The following CSMD1 variants were observed in gnomAD, a reference collection of about 807,000 sequenced individuals.
The protein encoded by CSMD1 is CUB and Sushi multiple domains 1, also known as CUB and sushi domain-containing protein 1.
In CSMD1, 213 loss-of-function variants were observed where a neutral mutation model predicts 417.5. The ratio of observed to expected loss-of-function variants is 0.51; its 90% CI spans 0.46 to 0.57. The LOEUF (loss-of-function observed/expected upper bound fraction) is 0.57, where lower values mean the gene tolerates loss of function less well. Among genes scored for constraint, CSMD1 ranks in the 20% least tolerant of loss-of-function variants. The pLI, the probability that CSMD1 is intolerant of heterozygous loss-of-function variation, is 0.00. For synonymous variants in CSMD1, 2,862 were observed against 1,736.8 expected, an observed-to-expected ratio of 1.65 and a Z score of -16.11; for missense variants, 6,923 against 4,529.7, an observed-to-expected ratio of 1.53 and a Z score of -15.17.
chr8:4,977,861 G>A (rs528103244), intron 1 of CSMD1, among the ~76,000 whole-genome samples: 1 of 152,220 alleles, frequency 6.6e-6, no homozygotes, highest in Non-Finnish European at 1.5e-5. Context: ...AAGCACAGTG[G>A]AAGAAGACCC....
intron 20 of CSMD1, 133 bp downstream of exon 20, chr8:3,366,899 G>A: frequency 1.3e-6 from 1 of 743,232 alleles, no homozygotes; most frequent in Non-Finnish European, 2.3e-6. Context: ...CCATTAGTTG[G>A]AATCAAGTCA....
intron 7 of CSMD1, among the ~76,000 whole-genome samples, chr8:3,633,558 A>C (rs1228345115): frequency 6.6e-6 from 1 of 152,248 alleles, no homozygotes; most frequent in Non-Finnish European, 1.5e-5. Flanking sequence ...CGCACGTCAA[A>C]AGTTCATTTC....
Position 4,266,766 on chromosome 8 carries a change from C to G in CSMD1, c.415+153187G>C, listed in dbSNP as rs1162234197. 4.8e-5 allele frequency among the ~76,000 whole-genome samples: 5 copies of G among 104,348 alleles called. 1 individual carries two copies. The highest frequency in any genetic ancestry group is 1.3e-4 in the African/African-American group (5 of 38,342). 68.5% of individuals were successfully genotyped at this position (104,348 alleles called of 152,430 possible). On this transcript the variant is annotated intron_variant, in intron 3 of 69. Transcript: ENST00000635120. The stretch of plus-strand genomic sequence containing the variant: ...AAAAATTTGATGATCTATAAATCCT[C>G]AAAATAGTAGCACAGAGAATCTAGA...
intron 1 of CSMD1, among the ~76,000 whole-genome samples, chr8:4,671,427 C>T (rs1425776442): frequency 6.6e-6 from 1 of 152,142 alleles, no homozygotes; most frequent in East Asian, 1.9e-4. Flanking sequence ...GAAAAATTAA[C>T]ATTTGGCAGA....
At chr8:4,036,253 G>C (rs559350456) in intron 3 of CSMD1, among the ~76,000 whole-genome samples, 51 of 152,170 alleles carry the variant, frequency 3.4e-4, no homozygotes, top group Non-Finnish European at 6.6e-4. Flanking sequence ...AGTCATGCAT[G>C]ACTGCATGTA....
At chr8:3,580,910 G>C (rs1016933992) in intron 9 of CSMD1, among the ~76,000 whole-genome samples, 3 of 152,178 alleles carry the variant, frequency 2.0e-5, no homozygotes, top group African/African-American at 4.8e-5. Flanking sequence ...TAAATGATGA[G>C]TTCACAAATT....
intron 6 of CSMD1, among the ~76,000 whole-genome samples, chr8:3,730,828 T>G (rs114600762): frequency 2.0e-5 from 3 of 152,174 alleles, no homozygotes; most frequent in Admixed American, 6.5e-5. Flanking sequence ...CCCATTCATG[T>G]TATGCCAGAT....
In CSMD1 at chr8:4,143,437, C is replaced by T. The variant is rs540312621; in HGVS notation, c.416-111338G>A. The stretch of plus-strand genomic sequence containing the variant: ...GAACCCAGGCTGAAAGTTCGGATAC[C>T]TTTGGTAAATTTGTTTTATTACAGG... On this transcript the variant is annotated intron_variant, in intron 3 of 69. Transcript: ENST00000635120. Among the ~76,000 whole-genome samples, 14 of 148,916 alleles carry T rather than the reference C, an allele frequency of 9.4e-5. No homozygotes were observed. The South Asian group carries it at 2.5e-3, about 27-fold the overall frequency.
intron 1 of CSMD1, among the ~76,000 whole-genome samples, chr8:4,885,427 G>T (rs888718534): frequency 6.6e-6 from 1 of 152,030 alleles, no homozygotes; most frequent in East Asian, 1.9e-4. Flanking sequence ...TAGGGGGAAA[G>T]CGTTTAGTCT....
intron 5 of CSMD1, among the ~76,000 whole-genome samples, chr8:3,786,993 G>A (rs1046121258): frequency 1.3e-5 from 2 of 152,168 alleles, no homozygotes; most frequent in African/African-American, 4.8e-5. Flanking sequence ...TGAGGGCATG[G>A]AAGCTGAGGG....
chr8:3,904,983 G>A (rs758860547), intron 5 of CSMD1, among the ~76,000 whole-genome samples: 2 of 152,050 alleles, frequency 1.3e-5, no homozygotes, highest in African/African-American at 2.4e-5. Context: ...CAAAGAGGAA[G>A]AAGTACCAAG....
At chr8:3,887,476 C>A (rs1244464386) in intron 5 of CSMD1, among the ~76,000 whole-genome samples, 1 of 152,270 alleles carries the variant, frequency 6.6e-6, no homozygotes, top group Admixed American at 6.5e-5. Flanking sequence ...TCTAGGCGTC[C>A]AGTTCTCACC....
chr8:4,645,813 G>A (rs1252937409), intron 1 of CSMD1, among the ~76,000 whole-genome samples: 1 of 152,006 alleles, frequency 6.6e-6, no homozygotes, highest in African/African-American at 2.4e-5. Flanking sequence ...TTAGATTCCG[G>A]GACACATCAT....
chr8:4,854,228 G>C (rs886558725), intron 1 of CSMD1, among the ~76,000 whole-genome samples: 3 of 152,108 alleles, frequency 2.0e-5, no homozygotes, highest in South Asian at 4.1e-4. Context: ...ATATGATTTG[G>C]GTATTTGCTC....
chr8:4,376,839 T>C (rs936343033), intron 3 of CSMD1, among the ~76,000 whole-genome samples: 1 of 152,228 alleles, frequency 6.6e-6, no homozygotes, highest in African/African-American at 2.4e-5. Flanking sequence ...GATTTTGTCT[T>C]ATTTGTAAGT....
At chr8:4,297,409 A>T (rs1797746613) in intron 3 of CSMD1, among the ~76,000 whole-genome samples, 1 of 152,140 alleles carries the variant, frequency 6.6e-6, no homozygotes, top group African/African-American at 2.4e-5. Context: ...ATTGACTAAG[A>T]AGTGAATGTT....
intron 1 of CSMD1, among the ~76,000 whole-genome samples, chr8:4,957,906 T>C (rs1809228445): frequency 6.6e-6 from 1 of 152,214 alleles, no homozygotes; most frequent in Non-Finnish European, 1.5e-5. Flanking sequence ...AGCTGGTGTC[T>C]GTAAGGAGAA....
intron 23 of CSMD1, among the ~76,000 whole-genome samples, chr8:3,319,038 C>G (rs1805972840): frequency 6.6e-6 from 1 of 152,150 alleles, no homozygotes; most frequent in Admixed American, 6.5e-5. Context: ...CTCCCTTACA[C>G]AGAATGGAAT....
At chr8:4,448,693 ATCT>A (rs1798958310) in intron 2 of CSMD1, among the ~76,000 whole-genome samples, 1 of 152,226 alleles carries the variant, frequency 6.6e-6, no homozygotes, top group Non-Finnish European at 1.5e-5. Context: ...AAGGTCATAT[ATCT>A]TTTTTGGCAT....
Sources: allele counts gnomAD v4.1 joint callset (sites outside exome capture counted in the v4.1 genomes callset), GRCh38; gene constraint gnomAD v4.1.1; transcripts MANE v1.5; gene names NCBI Gene and HGNC (gene_info 2026-07-23, HGNC 2026-07-21).